DLGAP2: variants seen among roughly 807,000 people sequenced by gnomAD.
DLGAP2 encodes disks large-associated protein 2.
In DLGAP2, 26 loss-of-function variants were observed where a neutral mutation model predicts 100.3. The ratio of observed to expected loss-of-function variants is 0.26; its 90% CI spans 0.19 to 0.36. The LOEUF (loss-of-function observed/expected upper bound fraction) is 0.36. Ranked by LOEUF, DLGAP2 falls within the 10% of genes least tolerant of loss-of-function variation. The pLI is 1.00. For synonymous variants in DLGAP2, 886 were observed against 630.1 expected, an observed-to-expected ratio of 1.41 and a Z score of -6.08; for missense variants, 1,858 against 1,453.2, an observed-to-expected ratio of 1.28 and a Z score of -4.53.
chr8:831,068 T>C (rs1368128026), intron 1 of DLGAP2, among the ~76,000 whole-genome samples: 1 of 152,026 alleles, frequency 6.6e-6, no homozygotes, highest in Non-Finnish European at 1.5e-5. Flanking sequence ...GCTAATTTTT[T>C]TGTACTTTTA....
intron 3 of DLGAP2, among the ~76,000 whole-genome samples, chr8:1,446,032 T>G (rs538162313): frequency 0.016 from 2,428 of 151,810 alleles, 66 homozygotes; most frequent in African/African-American, 0.055. Flanking sequence ...TTTCTCCCAT[T>G]TTGTAGGTTG....
intron 1 of DLGAP2, among the ~76,000 whole-genome samples, chr8:759,264 C>A (rs1338948006): frequency 1.4e-5 from 2 of 147,866 alleles, no homozygotes; most frequent in African/African-American, 5.0e-5. Flanking sequence ...GTTGTCAATA[C>A]CCCCCACAGC....
chr8:1,269,877 G>C (rs1199214635), intron 3 of DLGAP2, among the ~76,000 whole-genome samples: 1 of 152,192 alleles, frequency 6.6e-6, no homozygotes, highest in Non-Finnish European at 1.5e-5. Context: ...GAAACTCGCT[G>C]AGTGACTCAT....
At chr8:835,871 T>C (rs1796864170) in intron 1 of DLGAP2, among the ~76,000 whole-genome samples, 1 of 152,174 alleles carries the variant, frequency 6.6e-6, no homozygotes, top group South Asian at 2.1e-4. Flanking sequence ...ACCGTCGCTG[T>C]CTCAGAACTG....
chr8:1,364,522 A>G (rs1043692796), intron 3 of DLGAP2, among the ~76,000 whole-genome samples: 2 of 151,376 alleles, frequency 1.3e-5, no homozygotes, highest in Admixed American at 1.3e-4. Flanking sequence ...GCAGCGAAGC[A>G]GACACATTTT....
At chr8:1,579,096 A>G (rs754956551) in intron 6 of DLGAP2, among the ~76,000 whole-genome samples, 2 of 152,196 alleles carry the variant, frequency 1.3e-5, no homozygotes, top group Non-Finnish European at 2.9e-5. Flanking sequence ...TGAAAGGTAG[A>G]CCAAATAATT....
intron 3 of DLGAP2, among the ~76,000 whole-genome samples, chr8:1,445,877 A>C (rs543776796): frequency 1.2e-4 from 18 of 152,234 alleles, no homozygotes; most frequent in Non-Finnish European, 2.2e-4. Context: ...TTTTGGCTGC[A>C]TAAATGTCTT....
In DLGAP2 at chr8:1,068,340, T is replaced by C. The variant is rs576579881; in HGVS notation, c.73+160374T>C. On this transcript the variant is annotated intron_variant, in intron 2 of 14. Transcript: ENST00000637795. ...ATGAAGGCATGCAATTGTTGGATTGTATGACAAGCATGTGCTTAGTTTTGT... is the reference window on the plus strand; with the variant it reads ...ATGAAGGCATGCAATTGTTGGATTGCATGACAAGCATGTGCTTAGTTTTGT... 6.6e-4 allele frequency among the ~76,000 whole-genome samples: 100 copies of C among 152,358 alleles called. 1 individual carries two copies. Among genetic ancestry groups the C allele is most frequent in the Middle Eastern group, 3.4e-3 (1 of 294 alleles).
At chr8:1,190,871 G>A (rs979178856) in intron 2 of DLGAP2, among the ~76,000 whole-genome samples, 1 of 152,156 alleles carries the variant, frequency 6.6e-6, no homozygotes, top group Non-Finnish European at 1.5e-5. Context: ...GCAAGCGTGG[G>A]GTCTGTGGCC....
intron 2 of DLGAP2, among the ~76,000 whole-genome samples, chr8:999,487 T>C (rs965570157): frequency 3.3e-4 from 50 of 151,724 alleles, no homozygotes; most frequent in African/African-American, 1.2e-3. Context: ...TTTCTTTTTT[T>C]TTTTTTTTCC....
intron 6 of DLGAP2, among the ~76,000 whole-genome samples, chr8:1,579,854 C>T (rs749673804): frequency 3.0e-4 from 46 of 152,202 alleles, no homozygotes; most frequent in Admixed American, 6.5e-5. Flanking sequence ...TGTGGGGGCA[C>T]TAAGGAAGCC....
intron 3 of DLGAP2, among the ~76,000 whole-genome samples, chr8:1,389,228 G>C (rs964967635): frequency 6.8e-6 from 1 of 146,250 alleles, no homozygotes; most frequent in South Asian, 2.1e-4. Flanking sequence ...GGGAGGAGCG[G>C]TACTCTGGAG....
At chr8:1,149,756 A>G (rs1585103845) in intron 2 of DLGAP2, among the ~76,000 whole-genome samples, 1 of 152,014 alleles carries the variant, frequency 6.6e-6, no homozygotes, top group African/African-American at 2.4e-5. Context: ...TCTTGCATCC[A>G]GTTGTATTGA....
chr8:1,694,808 C>A lies in DLGAP2; in HGVS notation c.2797-2339C>A, dbSNP rs374863970. ...CGGCAATTTCACAAGGAAAGAGGCCCTGCATGAGTTTGCTGGGGGAAAGGG... is the reference window on the plus strand; with the variant it reads ...CGGCAATTTCACAAGGAAAGAGGCCATGCATGAGTTTGCTGGGGGAAAGGG... On this transcript the variant is annotated intron_variant, in intron 13 of 14. Transcript: ENST00000637795. 2.4e-4 allele frequency among the ~76,000 whole-genome samples: 36 copies of A among 152,154 alleles called. 3 individuals carry two copies. The highest frequency in any genetic ancestry group is 1.6e-3 in the Admixed American group (25 of 15,280).
intron 1 of DLGAP2, among the ~76,000 whole-genome samples, chr8:856,647 A>C (rs1292350401): frequency 6.6e-6 from 1 of 152,236 alleles, no homozygotes; most frequent in Non-Finnish European, 1.5e-5. Context: ...AAAAATGTAA[A>C]ATGCTTAAGT....
chr8:1,567,945 G>T (rs940116836), intron 6 of DLGAP2, among the ~76,000 whole-genome samples: 2 of 152,186 alleles, frequency 1.3e-5, no homozygotes, highest in Non-Finnish European at 2.9e-5. Context: ...TGAGGAAAAT[G>T]GGTGAGATGT....
intron 3 of DLGAP2, among the ~76,000 whole-genome samples, chr8:1,318,663 A>C (rs571808950): frequency 1.3e-4 from 20 of 151,968 alleles, no homozygotes; most frequent in Non-Finnish European, 2.9e-4. Flanking sequence ...TATAAGTTAA[A>C]TACTGCCAAG....
intron 2 of DLGAP2, among the ~76,000 whole-genome samples, chr8:1,022,684 C>G (rs568527988): frequency 6.6e-6 from 1 of 151,666 alleles, no homozygotes; most frequent in East Asian, 2.0e-4. Flanking sequence ...GGTAGACGCT[C>G]CAAACAGCAC....
intron 6 of DLGAP2, among the ~76,000 whole-genome samples, chr8:1,605,244 C>G (rs1796758074): frequency 1.3e-5 from 2 of 152,172 alleles, no homozygotes; most frequent in Non-Finnish European, 2.9e-5. Flanking sequence ...CTCCTGACCT[C>G]CACTCCTGTG....
Sources: allele counts gnomAD v4.1 joint callset (sites outside exome capture counted in the v4.1 genomes callset), GRCh38; gene constraint gnomAD v4.1.1; transcripts MANE v1.5; gene names NCBI Gene and HGNC (gene_info 2026-07-23, HGNC 2026-07-21).